Variants in ZBTB8A observed in about 807,000 individuals in gnomAD.
The protein encoded by ZBTB8A is zinc finger and BTB domain-containing protein 8A.
In ZBTB8A, 19 loss-of-function variants were observed where a neutral mutation model predicts 37.8. The observed-to-expected ratio is 0.50, with a 90% confidence interval of 0.35 to 0.74. The LOEUF (loss-of-function observed/expected upper bound fraction) is 0.74, where lower values mean the gene tolerates loss of function less well. ZBTB8A is among the 30% of genes least tolerant of loss of function. ZBTB8A has a pLI of 0.01. For missense variants in ZBTB8A, 394 were observed against 537.8 expected (o/e 0.73, Z 2.65); for synonymous variants, 181 against 185.2 (o/e 0.98, Z 0.19).
chr1:32,597,441 G>A (rs1439167362), intron 4 of ZBTB8A, among the ~76,000 whole-genome samples: 1 of 152,090 alleles, frequency 6.6e-6, no homozygotes, highest in Non-Finnish European at 1.5e-5. Context: ...GCTGGCTCTT[G>A]TCTCCTTTTG....
chr1:32,556,914 A>AAT (rs1342011637), intron 2 of ZBTB8A, among the ~76,000 whole-genome samples: 7 of 152,158 alleles, frequency 4.6e-5, no homozygotes, highest in Non-Finnish European at 8.8e-5. Flanking sequence ...GGTATAGACC[A>AAT]ATATATATAA....
At chr1:32,580,098 C>A (rs998445384) in intron 2 of ZBTB8A, among the ~76,000 whole-genome samples, 4 of 151,382 alleles carry the variant, frequency 2.6e-5, no homozygotes, top group African/African-American at 9.7e-5. Flanking sequence ...TGGTGGCTCA[C>A]ACCTATAATC....
chr1:32,601,969 T>C lies in ZBTB8A; in HGVS notation c.*1550T>C, dbSNP rs1644579309. On this transcript the variant is annotated 3_prime_UTR_variant, in exon 5 of 5. Transcript: ENST00000373510. The stretch of plus-strand genomic sequence containing the variant: ...ATTATTCACTTAAATATGTTGAACA[T>C]TTTTGCTTCTCTTGTTTATATAATA... The C allele has an allele frequency of 7.1e-6, 2 of 281,608 alleles. No homozygotes were observed. The highest frequency in any genetic ancestry group is 5.2e-5 in the Admixed American group (1 of 19,212). 17.4% of individuals were successfully genotyped at this position (281,608 alleles called of 1,614,324 possible).
chr1:32,579,052 T>A (rs1327446605), intron 2 of ZBTB8A, among the ~76,000 whole-genome samples: 4 of 152,138 alleles, frequency 2.6e-5, no homozygotes, highest in African/African-American at 9.7e-5. Context: ...TCTTTACTGT[T>A]GTGTTAGGTT....
intron 2 of ZBTB8A, among the ~76,000 whole-genome samples, chr1:32,590,448 G>A (rs1301776997): frequency 6.6e-6 from 1 of 152,096 alleles, no homozygotes; most frequent in Non-Finnish European, 1.5e-5. Context: ...GGTCCTCAGA[G>A]GTTTCTAACT....
chr1:32,590,908 T>G lies in ZBTB8A; in HGVS notation c.-1-2023T>G, dbSNP rs183282895. Among the ~76,000 whole-genome samples, 8 of 152,124 alleles carry G rather than the reference T, an allele frequency of 5.3e-5. No homozygotes were observed. The East Asian group carries it at 1.5e-3, about 29-fold the overall frequency. On this transcript the variant is annotated intron_variant, in intron 2 of 4. Transcript: ENST00000373510. ...TTTGTTGAATTTAATTTAACTTTTT[T>G]TTTAATACGGAGTCTCACTTTGTCA... is the stretch of plus-strand genomic sequence containing the variant.
At chr1:32,586,122 AC>A (rs1644446928) in intron 2 of ZBTB8A, among the ~76,000 whole-genome samples, 2 of 151,894 alleles carry the variant, frequency 1.3e-5, no homozygotes, top group Admixed American at 1.3e-4. Context: ...GTTTGAGACC[AC>A]CCTGACCAAC....
At chr1:32,570,884 T>C (rs1644317819) in intron 2 of ZBTB8A, among the ~76,000 whole-genome samples, 1 of 152,044 alleles carries the variant, frequency 6.6e-6, no homozygotes, top group Non-Finnish European at 1.5e-5. Context: ...TTATTTCTTT[T>C]TTTTTTTTTA....
At chr1:32,598,719 G>A (rs898992866) in intron 4 of ZBTB8A, among the ~76,000 whole-genome samples, 3 of 151,958 alleles carry the variant, frequency 2.0e-5, no homozygotes, top group Admixed American at 6.6e-5. Context: ...ATTATAATAC[G>A]TAATTATTCC....
Position 32,539,459 on chromosome 1 carries a change from C to A in ZBTB8A, c.-197C>A, listed in dbSNP as rs1018019256. On this transcript the variant is annotated 5_prime_UTR_variant, in exon 1 of 5. Transcript: ENST00000373510. ...ACCTTTTGTTTCTCTCACGTTGGGGCTACTTGTTTTAGGGCGCAAAGGAAC... is the reference window on the plus strand; with the variant it reads ...ACCTTTTGTTTCTCTCACGTTGGGGATACTTGTTTTAGGGCGCAAAGGAAC... 1 of 152,490 alleles carries A rather than the reference C, an allele frequency of 6.6e-6. No individual in the cohort carries two copies. Among genetic ancestry groups the A allele is most frequent in the African/African-American group, 2.4e-5 (1 of 41,422 alleles). 9.4% of individuals were successfully genotyped at this position (152,490 alleles called of 1,614,324 possible).
In ZBTB8A at chr1:32,586,745, G is replaced by A. The variant is rs1012382594; in HGVS notation, c.-1-6186G>A. Among the ~76,000 whole-genome samples the A allele has an allele frequency of 3.3e-5, 5 of 152,086 alleles. No homozygotes were observed. In the East Asian group the frequency reaches 9.6e-4, roughly 29 times the overall value. ...TAGAATGCAGTGAGTGAGGAGCAGA[G>A]CGGTGGAGATGAGGTTAGAGAAGTA... On this transcript the variant is annotated intron_variant, in intron 2 of 4. Coordinates refer to ENST00000373510, the MANE Select transcript of ZBTB8A (RefSeq NM_001040441.3).
intron 2 of ZBTB8A, among the ~76,000 whole-genome samples, chr1:32,588,235 G>A (rs1320688641): frequency 1.3e-5 from 2 of 152,082 alleles, no homozygotes; most frequent in African/African-American, 4.8e-5. Flanking sequence ...CATAAAACAA[G>A]CTGGGGCCTG....
intron 1 of ZBTB8A, among the ~76,000 whole-genome samples, chr1:32,545,827 T>C (rs552115619): frequency 6.6e-6 from 1 of 152,370 alleles, no homozygotes; most frequent in Non-Finnish European, 1.5e-5. Context: ...AACCTAAACG[T>C]TGAGCCTTTT....
intron 1 of ZBTB8A, among the ~76,000 whole-genome samples, chr1:32,551,632 C>T (rs1436823601): frequency 6.6e-6 from 1 of 152,060 alleles, no homozygotes; most frequent in Non-Finnish European, 1.5e-5. Flanking sequence ...TCACTTGAAC[C>T]CGGGAGGCAG....
intron 2 of ZBTB8A, among the ~76,000 whole-genome samples, chr1:32,573,653 C>T (rs1174549071): frequency 2.0e-5 from 3 of 147,342 alleles, no homozygotes; most frequent in African/African-American, 5.0e-5. Flanking sequence ...AGGCTGGTCT[C>T]GAACTCCTGG....
chr1:32,563,782 C>T (rs530267446), intron 2 of ZBTB8A, among the ~76,000 whole-genome samples: 2 of 152,134 alleles, frequency 1.3e-5, no homozygotes, highest in East Asian at 3.9e-4. Flanking sequence ...CACCTTCTTC[C>T]TAAGGATAAT....
At chr1:32,551,641 A>G (rs1644156898) in intron 1 of ZBTB8A, among the ~76,000 whole-genome samples, 1 of 152,126 alleles carries the variant, frequency 6.6e-6, no homozygotes, top group African/African-American at 2.4e-5. Context: ...CCCGGGAGGC[A>G]GAGTTTGTGG....
intron 2 of ZBTB8A, among the ~76,000 whole-genome samples, chr1:32,568,577 G>T (rs1038956896): frequency 2.0e-5 from 3 of 152,014 alleles, no homozygotes; most frequent in African/African-American, 7.3e-5. Flanking sequence ...TAGTAGAGAC[G>T]GGGTTTCACC....
intron 3 of ZBTB8A, 66 bp downstream of exon 3, chr1:32,593,820 CA>C: frequency 1.6e-6 from 2 of 1,240,570 alleles, no homozygotes; most frequent in Non-Finnish European, 2.2e-6. Context: ...AGTCTACTGT[CA>C]AAACACCCTT....
Sources: allele counts gnomAD v4.1 joint callset (sites outside exome capture counted in the v4.1 genomes callset), GRCh38; gene constraint gnomAD v4.1.1; transcripts MANE v1.5; gene names NCBI Gene and HGNC (gene_info 2026-07-23, HGNC 2026-07-21).